The following SEMA4C variants were observed in gnomAD, a reference collection of about 807,000 sequenced individuals.
The protein encoded by SEMA4C is semaphorin-4C.
SEMA4C carries 19 observed loss-of-function variants against 89.0 expected under a neutral mutation model. That is an observed-to-expected ratio of 0.21 (90% CI 0.15 to 0.31). SEMA4C has a LOEUF of 0.31. Ranked by LOEUF, SEMA4C falls within the 10% of genes least tolerant of loss-of-function variation. The pLI is 1.00. For synonymous variants in SEMA4C, 428 were observed against 472.7 expected, an observed-to-expected ratio of 0.91 and a Z score of 1.23; for missense variants, 811 against 1,107.0, an observed-to-expected ratio of 0.73 and a Z score of 3.79.
rs372434436 is a variant in SEMA4C, at chr2:96,866,315, A to G, written c.226T>C (p.Phe76Leu). The change falls in exon 3 of 15, where the codon TTC becomes CTC. Residue 76 changes from phenylalanine to leucine, a missense_variant. This residue lies in a region of SEMA4C where 119 missense variants were observed against 152.7 expected (regional missense o/e 0.78). Coordinates refer to ENST00000305476, the MANE Select transcript of SEMA4C (RefSeq NM_017789.5). Reference protein sequence around the residue: ...YVGAREALFAFSMEALELQGA... With the variant: ...YVGAREALFALSMEALELQGA... ...TGCAGCTCCAGGGCCTCCATGCTGA[A>G]GGCAAACAGGGCCTCTCGGGCGCCC... 1.5e-5 allele frequency: 24 copies of G among 1,612,674 alleles called. No individual in the cohort carries two copies. The highest frequency in any genetic ancestry group is 2.0e-5 in the Non-Finnish European group (24 of 1,179,006).
chr2:96,869,480 G>T (rs1237856264), intron 1 of SEMA4C: 42 of 985,102 alleles, frequency 4.3e-5, no homozygotes, highest in Non-Finnish European at 4.9e-5. Context: ...GCGGGCGGGC[G>T]GGGGGCCGCG....
At position 96,860,264 on chromosome 2, in the gene SEMA4C, T is replaced by C; in HGVS notation, c.*362A>G. ...GAAGACTTGACAGAAACAGGAAGGC[T>C]ATGCCACAAGCGCGCACGCGCGTGC... On this transcript the variant is annotated 3_prime_UTR_variant, in exon 15 of 15. Transcript: ENST00000305476. The C allele has an allele frequency of 4.4e-6, 1 of 229,684 alleles. No individual in the cohort carries two copies. Among genetic ancestry groups the C allele is most frequent in the Non-Finnish European group, 8.4e-6 (1 of 118,716 alleles). 14.2% of individuals were successfully genotyped at this position (229,684 alleles called of 1,614,324 possible). A position where few individuals can be genotyped will look rare whatever the true frequency, so the allele number is the denominator to read the frequency against.
Position 96,865,767 on chromosome 2 carries a change from G to A in SEMA4C, c.322-3C>T. On this transcript the variant is annotated splice_polypyrimidine_tract_variant and splice_region_variant and intron_variant, in intron 4 of 14. Coordinates refer to ENST00000305476, the MANE Select transcript of SEMA4C (RefSeq NM_017789.5). The stretch of plus-strand genomic sequence containing the variant: ...CGGATGAAGTTGAAGCACTCGGTCT[G>A]GGGGCAGAAAGGTGTCCGGTTAGTG... 1 of 1,614,096 alleles carries A rather than the reference G, an allele frequency of 6.2e-7. No homozygotes were observed. Among genetic ancestry groups the A allele is most frequent in the Non-Finnish European group, 8.5e-7 (1 of 1,179,972 alleles).
At position 96,861,560 on chromosome 2, in the gene SEMA4C, C is replaced by T. The variant is rs377734914; in HGVS notation, c.1672+19G>A. ...TGGTCCAGGGCTCAGCCCGATGCGA[C>T]GGGAATGAAAAAGCTCACCTTTCTT... On this transcript the variant is annotated intron_variant, in intron 14 of 14. Transcript: ENST00000305476. The surrounding 1 kb of genome is among the most constrained non-coding windows in gnomAD (Gnocchi z 7.8). 129 of 1,597,614 alleles carry T rather than the reference C, an allele frequency of 8.1e-5. 2 individuals carry two copies. The highest frequency in any genetic ancestry group is 5.6e-4 in the Admixed American group (33 of 58,460).
At chr2:96,867,378 C>G (rs2080099760) in intron 2 of SEMA4C, among the ~76,000 whole-genome samples, 1 of 152,226 alleles carries the variant, frequency 6.6e-6, no homozygotes, top group African/African-American at 2.4e-5. Context: ...CACATACACA[C>G]ACACTTCCAG....
At chr2:96,870,790 G>C (rs1017283430), upstream of SEMA4C, 3 of 980,748 alleles carry the variant, frequency 3.1e-6, no homozygotes, top group Admixed American at 1.2e-4. Flanking sequence ...GGGGAGCCAC[G>C]CTGCAGAACC....
chr2:96,861,770 G>A lies in SEMA4C; in HGVS notation c.1568C>T (p.Thr523Ile). 6.2e-7 allele frequency: 1 copy of A among 1,613,576 alleles called. No individual in the cohort carries two copies. Among genetic ancestry groups the A allele is most frequent in the Non-Finnish European group, 8.5e-7 (1 of 1,180,012 alleles). The change falls in exon 13 of 15, where the codon ACC becomes ATC. Residue 523 changes from threonine to isoleucine, a missense_variant. By Grantham distance (89) the Thr-to-Ile change is moderately conservative. Around this residue, in one of 4 missense-constraint regions of SEMA4C, gnomAD observed 441 missense variants for 664.9 expected, o/e 0.66. Coordinates refer to ENST00000305476, the MANE Select transcript of SEMA4C (RefSeq NM_017789.5). This position sits in a 1 kb window ranked among gnomAD's most constrained non-coding sequence, Gnocchi z 7.8. ...GCCACCCACGGCCACACAGCGGCTG[G>A]TGTTGACGCTCCAGGCGCAATAGGG... ...RDPYCAWSVN[T>I]SRCVAVGGHS...
Position 96,865,545 on chromosome 2 carries a change from C to G in SEMA4C, c.421-8G>C. ...AGTGAAGGTGAGCATGTTCTAAGGA[C>G]AGAGAGAGAGGTGATGAGGAGATGC... On this transcript the variant is annotated splice_region_variant and splice_polypyrimidine_tract_variant and intron_variant, in intron 5 of 14. Transcript: ENST00000305476. 1 of 1,612,932 alleles carries G rather than the reference C, an allele frequency of 6.2e-7. No homozygotes were observed. Among genetic ancestry groups the G allele is most frequent in the Non-Finnish European group, 8.5e-7 (1 of 1,179,476 alleles).
chr2:96,868,966 CCAAA>C (rs1267101251), intron 1 of SEMA4C: 10 of 985,274 alleles, frequency 1.0e-5, no homozygotes, highest in Admixed American at 6.1e-5. Flanking sequence ...CTGCTCACCC[CCAAA>C]CAAAGGGTCC....
rs2153361456 is a variant in SEMA4C at position 96,860,920 on chromosome 2, G to A, written c.2208C>T (p.Tyr736=). 6.2e-7 allele frequency: 1 copy of A among 1,613,132 alleles called. No homozygotes were observed. Among genetic ancestry groups the A allele is most frequent in the East Asian group, 2.2e-5 (1 of 44,884 alleles). The part of the protein sequence containing the change: ...PDEKLWDPVG[Y]YYSDGSLKIV... ...TCTTAAGGGAGCCATCTGAATAGTA[G>A]TAACCGACAGGATCCCAAAGTTTCT... The change falls in exon 15 of 15, where the codon TAC becomes TAT. Residue 736 remains tyrosine (Y), a synonymous_variant. Coordinates refer to ENST00000305476, the MANE Select transcript of SEMA4C (RefSeq NM_017789.5).
In SEMA4C at chr2:96,861,503, G is replaced by A. The variant is rs944215854; in HGVS notation, c.1673-48C>T. The A allele has an allele frequency of 1.2e-6, 2 of 1,609,422 alleles. No individual in the cohort carries two copies. Among genetic ancestry groups the A allele is most frequent in the Non-Finnish European group, 1.7e-6 (2 of 1,176,214 alleles). ...GTGCATGTTAGTGCAGGAAAGCAGG[G>A]CTGGGGAAGAGGAGAACAGAAACTC... On this transcript the variant is annotated intron_variant, in intron 14 of 14. Coordinates refer to ENST00000305476, the MANE Select transcript of SEMA4C (RefSeq NM_017789.5). This position sits in a 1 kb window ranked among gnomAD's most constrained non-coding sequence, Gnocchi z 7.8.
Position 96,865,666 on chromosome 2 carries a change from G to C in SEMA4C, c.420C>G (p.Val140=). The change falls in exon 5 of 15, where the codon GTC becomes GTG. Residue 140 remains valine, a splice_region_variant and synonymous_variant. Coordinates refer to ENST00000305476, the MANE Select transcript of SEMA4C (RefSeq NM_017789.5). The stretch of plus-strand genomic sequence containing the variant: ...ACCGAGGTAGGAGGGCAGCACTCAC[G>C]ACGTAGGTGCACTTGGGCTGGAAGG... ...TYAFQPKCTY[V]NMLTFTLEHG... The C allele has an allele frequency of 6.2e-7, 1 of 1,613,866 alleles. No individual in the cohort carries two copies. Among genetic ancestry groups the C allele is most frequent in the Non-Finnish European group, 8.5e-7 (1 of 1,179,780 alleles).
rs1449153439 is a variant in SEMA4C, at chr2:96,861,977, G to A, written c.1444-83C>T. 2.8e-6 allele frequency: 4 copies of A among 1,436,270 alleles called. No homozygotes were observed. Among genetic ancestry groups the A allele is most frequent in the African/African-American group, 1.4e-5 (1 of 71,294 alleles). 89.0% of individuals were successfully genotyped at this position (1,436,270 alleles called of 1,614,324 possible). ...CGGCCGGACCAGAACGCAGCATGGGGACAGCTTGGACTCCTGCAGGGGGCA... is the reference window on the plus strand; with the variant it reads ...CGGCCGGACCAGAACGCAGCATGGGAACAGCTTGGACTCCTGCAGGGGGCA... On this transcript the variant is annotated intron_variant, in intron 12 of 14. Transcript: ENST00000305476. This position sits in a 1 kb window ranked among gnomAD's most constrained non-coding sequence, Gnocchi z 7.8.
chr2:96,866,803 C>T (rs2080083530), intron 2 of SEMA4C: 1 of 380,954 alleles, frequency 2.6e-6, no homozygotes, highest in Non-Finnish European at 5.1e-6. Flanking sequence ...CTTCTTTGCC[C>T]TGCTGCCCAC....
chr2:96,867,547 G>A (rs1252320782), intron 2 of SEMA4C, among the ~76,000 whole-genome samples: 1 of 152,152 alleles, frequency 6.6e-6, no homozygotes, highest in Non-Finnish European at 1.5e-5. Flanking sequence ...TGGAGAGGGC[G>A]AGGCAGAAGG....
intron 12 of SEMA4C, chr2:96,862,397 AG>A: frequency 6.3e-6 from 1 of 158,274 alleles, no homozygotes; most frequent in Non-Finnish European, 1.4e-5. Context: ...ATCAAAGTTC[AG>A]GAGGTGTAGC....
chr2:96,866,052 G>T, intron 3 of SEMA4C, 123 bp from the exon 4 acceptor site: 1 of 1,142,936 alleles, frequency 8.7e-7, no homozygotes, highest in Non-Finnish European at 1.3e-6. Context: ...ATTCTCTGGG[G>T]ACTTCCTTTA....
intron 3 of SEMA4C, 58 bp downstream of exon 3, chr2:96,866,225 C>G (rs1486695405): frequency 1.9e-6 from 3 of 1,544,668 alleles, no homozygotes; most frequent in Non-Finnish European, 2.6e-6. Flanking sequence ...CCAAGCACAG[C>G]CCCTCTGGGC....
chr2:96,863,642 T>C, intron 12 of SEMA4C, 40 bp downstream of exon 12: 6 of 1,556,462 alleles, frequency 3.9e-6, no homozygotes, highest in African/African-American at 2.7e-5. Flanking sequence ...TGAGATGGGA[T>C]AGTGCTGGGG....
Sources: gnomAD v4.1 joint callset for allele counts (sites outside exome capture counted in the v4.1 genomes callset) on GRCh38, gnomAD v4.1.1 for gene constraint, gnomAD v4.1.1 regional missense constraint, Gnocchi (gnomAD v3.1) non-coding constraint, MANE v1.5 for transcripts, NCBI Gene and HGNC (gene_info 2026-07-23, HGNC 2026-07-21) for gene names.